Variants in RANBP2 observed in about 807,000 individuals in gnomAD.
RANBP2 encodes RAN binding protein 2.
RANBP2 carries 57 observed loss-of-function variants against 303.6 expected under a neutral mutation model. That is an observed-to-expected ratio of 0.19 (90% CI 0.15 to 0.23). The LOEUF (loss-of-function observed/expected upper bound fraction) is 0.23. Ranked by LOEUF, RANBP2 falls within the 10% of genes least tolerant of loss-of-function variation. The probability of loss-of-function intolerance (pLI) is 1.00; values close to 1 mark genes in which losing one functional copy is unlikely to be tolerated. For missense variants in RANBP2, 3,138 were observed against 3,780.8 expected (o/e 0.83, Z 4.46); for synonymous variants, 1,167 against 1,301.5 (o/e 0.90, Z 2.23).
chr2:109,267,783 C>T, the RANBP2 span, among the ~76,000 whole-genome samples: 19 of 152,224 alleles, frequency 1.2e-4, no homozygotes, highest in Admixed American at 5.2e-4. Flanking sequence ...GTCCCTGGAG[C>T]GAGGCCGAGT....
chr2:108,799,635 T>C, the RANBP2 span, among the ~76,000 whole-genome samples: 1 of 152,250 alleles, frequency 6.6e-6, no homozygotes, highest in Admixed American at 6.5e-5. Context: ...GTTCTGTTTG[T>C]GGTTAACTGA....
the RANBP2 span, among the ~76,000 whole-genome samples, chr2:108,796,660 T>G: frequency 6.6e-6 from 1 of 152,162 alleles, no homozygotes; most frequent in African/African-American, 2.4e-5. Context: ...TGAAATCTTA[T>G]CATTGACAGC....
At chr2:109,400,806 C>G in the RANBP2 span, among the ~76,000 whole-genome samples, 1 of 152,234 alleles carries the variant, frequency 6.6e-6, no homozygotes, top group Non-Finnish European at 1.5e-5. Flanking sequence ...TCATCTGCCC[C>G]CATGGTTACC....
the RANBP2 span, among the ~76,000 whole-genome samples, chr2:109,727,975 CTT>C: frequency 2.0e-5 from 3 of 152,136 alleles, no homozygotes; most frequent in Non-Finnish European, 4.4e-5. Flanking sequence ...GAGGGCAAAA[CTT>C]TGTGCTCTGT....
At chr2:109,301,995 C>T in the RANBP2 span, among the ~76,000 whole-genome samples, 2 of 152,204 alleles carry the variant, frequency 1.3e-5, no homozygotes, top group Admixed American at 6.5e-5. Flanking sequence ...TCAGCATCTT[C>T]GTTGTGTGAC....
At chr2:109,106,851 A>T in the RANBP2 span, among the ~76,000 whole-genome samples, 8 of 152,046 alleles carry the variant, frequency 5.3e-5, no homozygotes, top group Admixed American at 5.2e-4. Context: ...GAAAAAAGAA[A>T]AGAAGAGAAA....
At chr2:108,732,535 A>G (rs377754236) in intron 4 of RANBP2, among the ~76,000 whole-genome samples, 3 of 152,286 alleles carry the variant, frequency 2.0e-5, no homozygotes, top group South Asian at 2.1e-4. Flanking sequence ...AACCTGTTTA[A>G]CCCGACCAAA....
the RANBP2 span, among the ~76,000 whole-genome samples, chr2:109,068,186 T>A: frequency 3.1e-4 from 47 of 152,354 alleles, no homozygotes; most frequent in African/African-American, 1.1e-3. Flanking sequence ...GTCGTTTACT[T>A]TTTCATCTTT....
chr2:109,718,104 C>T, the RANBP2 span, among the ~76,000 whole-genome samples: 1 of 152,120 alleles, frequency 6.6e-6, no homozygotes, highest in Non-Finnish European at 1.5e-5. Flanking sequence ...GAAACTGGAA[C>T]CCTCACATAT....
chr2:109,562,071 G>C, the RANBP2 span, among the ~76,000 whole-genome samples: 1 of 151,856 alleles, frequency 6.6e-6, no homozygotes, highest in African/African-American at 2.4e-5. Flanking sequence ...AAATTAGCTG[G>C]GGGTGGTGGT....
the RANBP2 span, among the ~76,000 whole-genome samples, chr2:109,150,041 C>T: frequency 6.6e-6 from 1 of 152,192 alleles, no homozygotes; most frequent in Non-Finnish European, 1.5e-5. Flanking sequence ...GGTCTGGGTG[C>T]AGCCTGGCAT....
chr2:109,102,473 G>C, the RANBP2 span, among the ~76,000 whole-genome samples: 4 of 151,704 alleles, frequency 2.6e-5, no homozygotes, highest in Admixed American at 6.6e-5. Flanking sequence ...TAAAATAAAA[G>C]CATCGCAGAA....
chr2:109,466,829 G>A, the RANBP2 span, among the ~76,000 whole-genome samples: 1 of 145,562 alleles, frequency 6.9e-6, no homozygotes, highest in East Asian at 1.9e-4. Context: ...GTGTGTATGT[G>A]TATGTATATG....
the RANBP2 span, chr2:108,839,073 C>T: frequency 8.7e-7 from 1 of 1,148,820 alleles, no homozygotes. Flanking sequence ...TGTTGGAGAA[C>T]TCTTTTGTTT....
the RANBP2 span, among the ~76,000 whole-genome samples, chr2:109,017,370 C>G: frequency 6.6e-6 from 1 of 152,366 alleles, no homozygotes; most frequent in South Asian, 2.1e-4. Flanking sequence ...GCCTGGGCAG[C>G]CCCTGTCCCT....
chr2:109,342,723 G>T, the RANBP2 span, among the ~76,000 whole-genome samples: 12 of 152,222 alleles, frequency 7.9e-5, no homozygotes, highest in Admixed American at 3.3e-4. Context: ...AGAGCCTGCT[G>T]CCACATGCCT....
chr2:108,733,128 A>AC (rs1695306851), intron 4 of RANBP2, among the ~76,000 whole-genome samples: 1 of 151,918 alleles, frequency 6.6e-6, no homozygotes, highest in Admixed American at 6.6e-5. Context: ...CCAGCCAAGC[A>AC]CATGACGTTT....
At chr2:109,257,212 A>G in the RANBP2 span, among the ~76,000 whole-genome samples, 36,959 of 152,172 alleles carry the variant, frequency 0.24, 4,932 homozygotes, top group East Asian at 0.46. Flanking sequence ...ACATGACGGT[A>G]AGTCCTTCTT....
chr2:109,488,970 A>G, the RANBP2 span, among the ~76,000 whole-genome samples: 1 of 152,112 alleles, frequency 6.6e-6, no homozygotes, highest in African/African-American at 2.4e-5. Flanking sequence ...TCCTGAAATC[A>G]CCCAGAACTC....
Sources: gnomAD v4.1 joint callset for allele counts (sites outside exome capture counted in the v4.1 genomes callset) on GRCh38, gnomAD v4.1.1 for gene constraint, MANE v1.5 for transcripts, NCBI Gene and HGNC (gene_info 2026-07-23, HGNC 2026-07-21) for gene names.